The following ERC1 variants were observed in gnomAD, a reference collection of about 807,000 sequenced individuals.
The protein encoded by ERC1 is RAB6 interacting protein 2.
ERC1 carries 56 observed loss-of-function variants against 132.0 expected under a neutral mutation model. The observed-to-expected ratio is 0.42, with a 90% CI of 0.34 to 0.53. ERC1 has a LOEUF of 0.53. Ranked by LOEUF, ERC1 falls within the 20% of genes least tolerant of loss-of-function variation. The pLI is 0.03. For missense variants in ERC1, 1,202 were observed against 1,349.9 expected (o/e 0.89, Z 1.72); for synonymous variants, 478 against 476.1 (o/e 1.00, Z -0.05).
At chr12:1,251,607 A>G (rs1262183037) in intron 13 of ERC1, among the ~76,000 whole-genome samples, 2 of 152,146 alleles carry the variant, frequency 1.3e-5, no homozygotes, top group Non-Finnish European at 2.9e-5. Flanking sequence ...ATTGTTGGTT[A>G]TGTGTGCAGC....
At chr12:1,345,282 G>A (rs147884737) in intron 15 of ERC1, among the ~76,000 whole-genome samples, 2,824 of 148,266 alleles carry the variant, frequency 0.019, 45 homozygotes, top group Non-Finnish European at 0.032. Flanking sequence ...CTGGGTTCAC[G>A]CCATTCTCCT....
chr12:1,168,855 C>T (rs1952743122), intron 8 of ERC1, among the ~76,000 whole-genome samples: 1 of 152,218 alleles, frequency 6.6e-6, no homozygotes, highest in South Asian at 2.1e-4. Context: ...TTTGTAACTT[C>T]TCTTATGCTT....
intron 18 of ERC1, among the ~76,000 whole-genome samples, chr12:1,482,066 G>C (rs961837056): frequency 6.6e-6 from 1 of 152,142 alleles, no homozygotes. Flanking sequence ...GTGCCCTTAG[G>C]TGTGGCCTCG....
At chr12:1,343,819 G>A (rs567700062) in intron 15 of ERC1, among the ~76,000 whole-genome samples, 2 of 151,826 alleles carry the variant, frequency 1.3e-5, no homozygotes, top group African/African-American at 2.4e-5. Flanking sequence ...GAAGCTTATC[G>A]TTTAAATTGT....
chr12:1,342,691 T>C (rs1051890179), intron 15 of ERC1, among the ~76,000 whole-genome samples: 9 of 152,140 alleles, frequency 5.9e-5, no homozygotes. Flanking sequence ...GTTGATAAAA[T>C]AGCAGATGAA....
chr12:1,284,233 G>C (rs559519839), intron 14 of ERC1, among the ~76,000 whole-genome samples: 1 of 150,564 alleles, frequency 6.6e-6, no homozygotes, highest in East Asian at 2.0e-4. Flanking sequence ...GCAAATGACA[G>C]GATTTCATTC....
chr12:1,012,471 C>CA (rs1964843228), intron 1 of ERC1, among the ~76,000 whole-genome samples: 2 of 85,484 alleles, frequency 2.3e-5, no homozygotes, highest in African/African-American at 8.8e-5. Context: ...GATATTTAAT[C>CA]TTTTTTTTTT....
intron 12 of ERC1, among the ~76,000 whole-genome samples, chr12:1,192,463 T>C (rs1955832973): frequency 6.6e-6 from 1 of 152,238 alleles, no homozygotes; most frequent in African/African-American, 2.4e-5. Context: ...CTATTTCCTA[T>C]GCCTGTGTCT....
intron 12 of ERC1, among the ~76,000 whole-genome samples, chr12:1,200,604 G>A (rs1956817454): frequency 6.6e-6 from 1 of 151,692 alleles, no homozygotes. Flanking sequence ...TGTCGCCCAG[G>A]CTGGAGTGCA....
intron 2 of ERC1, among the ~76,000 whole-genome samples, chr12:1,063,664 A>G (rs145305153): frequency 1.3e-5 from 2 of 152,166 alleles, no homozygotes; most frequent in African/African-American, 2.4e-5. Flanking sequence ...CATTCAGCCT[A>G]TATCTTTTAA....
chr12:1,129,195 T>A (rs1206433232), intron 7 of ERC1, among the ~76,000 whole-genome samples: 12 of 152,150 alleles, frequency 7.9e-5, no homozygotes, highest in Non-Finnish European at 1.6e-4. Context: ...TACTGCCAGG[T>A]AGACTGGGCA....
chr12:1,353,028 CT>C (rs547540688), intron 15 of ERC1, among the ~76,000 whole-genome samples: 9,861 of 122,978 alleles, frequency 0.08, 593 homozygotes, highest in African/African-American at 0.18. Context: ...CTTTTCTTTT[CT>C]TTTTTTTTTT....
intron 7 of ERC1, among the ~76,000 whole-genome samples, chr12:1,138,060 TTA>T (rs1203573292): frequency 1.5e-5 from 2 of 131,108 alleles, no homozygotes; most frequent in Non-Finnish European, 3.1e-5. Context: ...TTATATATAA[TTA>T]TATATTGTTT....
intron 18 of ERC1, among the ~76,000 whole-genome samples, chr12:1,459,585 C>T (rs2093606886): frequency 6.6e-6 from 1 of 152,162 alleles, no homozygotes; most frequent in Admixed American, 6.5e-5. Flanking sequence ...CTGCATTTGG[C>T]ACCATTATAG....
intron 12 of ERC1, among the ~76,000 whole-genome samples, chr12:1,229,152 T>C (rs1181713601): frequency 1.3e-5 from 2 of 152,186 alleles, no homozygotes; most frequent in African/African-American, 4.8e-5. Flanking sequence ...AGCTTTTCTT[T>C]GTTGGGAGGT....
At chr12:1,391,903 A>G (rs1245078652) in intron 16 of ERC1, among the ~76,000 whole-genome samples, 2 of 152,186 alleles carry the variant, frequency 1.3e-5, no homozygotes, top group East Asian at 3.9e-4. Context: ...AGGCAGAAAG[A>G]TCCAGGGAGC....
upstream of ERC1, chr12:990,697 G>A (rs762866182): frequency 2.0e-5 from 3 of 152,264 alleles, no homozygotes; most frequent in Admixed American, 1.3e-4. Context: ...GCTTTCTTGG[G>A]ACAAAGCGTC....
intron 8 of ERC1, among the ~76,000 whole-genome samples, chr12:1,154,211 G>GTGTA (rs1951102338): frequency 6.9e-6 from 1 of 145,190 alleles, no homozygotes; most frequent in Admixed American, 7.0e-5. Context: ...TGGTGTGTGT[G>GTGTA]TGTATGTATA....
At position 1,076,915 on chromosome 12, in the gene ERC1, T is replaced by G. The variant is rs558332800; in HGVS notation, c.670-6249T>G. On this transcript the variant is annotated intron_variant, in intron 2 of 18. Coordinates refer to ENST00000360905, the MANE Select transcript of ERC1 (RefSeq NM_178040.4). ...CAAAGAATTAAATTGCAGATCAGTC[T>G]TAGAAGTGCTATTCTGTGGATAAGC... Among the ~76,000 whole-genome samples the G allele has an allele frequency of 3.0e-4, 46 of 152,332 alleles. No individual in the cohort carries two copies. The South Asian group carries it at 7.0e-3, about 23-fold the overall frequency.
Sources: allele counts gnomAD v4.1 joint callset (sites outside exome capture counted in the v4.1 genomes callset), GRCh38; gene constraint gnomAD v4.1.1; transcripts MANE v1.5; gene names NCBI Gene and HGNC (gene_info 2026-07-23, HGNC 2026-07-21).